Variants in CFI observed in about 807,000 individuals in gnomAD.
CFI encodes C3B/C4B inactivator.
CFI carries 66 observed loss-of-function variants against 78.8 expected under a neutral mutation model. The observed-to-expected ratio is 0.84, with a 90% CI of 0.69 to 1.03. The LOEUF is 1.03. Among genes scored for constraint, CFI ranks in the 50% least tolerant of loss-of-function variants. The probability of loss-of-function intolerance (pLI) is 0.00; values close to 1 mark genes in which losing one functional copy is unlikely to be tolerated. For missense variants in CFI, 706 were observed against 704.5 expected, an observed-to-expected ratio of 1.00 and a Z score of -0.02; for synonymous variants, 250 against 232.6, an observed-to-expected ratio of 1.07 and a Z score of -0.68.
At position 109,740,705 on chromosome 4, in the gene CFI, C is replaced by T. The variant is rs1175748694; in HGVS notation, c.*188G>A. 1 of 672,906 alleles carries T rather than the reference C, an allele frequency of 1.5e-6. No homozygotes were observed. Among genetic ancestry groups the T allele is most frequent in the Non-Finnish European group, 2.6e-6 (1 of 382,468 alleles). The allele number at this position is 672,906 out of a possible 1,614,324, so 41.7% of individuals were successfully genotyped here. On this transcript the variant is annotated 3_prime_UTR_variant, in exon 13 of 13. Coordinates refer to ENST00000394634, the MANE Select transcript of CFI (RefSeq NM_000204.5). ...GATAAATAAAACTTGTATGCTTCAC[C>T]AAAATATTTATTTGAGAATTATACA...
chr4:109,735,707 G>A (rs552821988), downstream of CFI, among the ~76,000 whole-genome samples: 26 of 152,340 alleles, frequency 1.7e-4, no homozygotes, highest in African/African-American at 3.6e-4. Context: ...TGCCAATGTC[G>A]CGGGAATCAG....
intron 8 of CFI, 83 bp from the exon 9 acceptor site, chr4:109,749,685 A>G (rs544305403): frequency 2.3e-5 from 20 of 856,776 alleles, no homozygotes; most frequent in South Asian, 2.0e-4. Flanking sequence ...CTATGCCACA[A>G]AAACAGGAGA....
chr4:109,732,035 T>A, the CFI span, among the ~76,000 whole-genome samples: 3 of 152,008 alleles, frequency 2.0e-5, no homozygotes, highest in Admixed American at 2.0e-4. Context: ...TTCTTACAAC[T>A]CCCTAGTCCA....
At chr4:109,758,328 A>C (rs1726580385) in intron 6 of CFI, among the ~76,000 whole-genome samples, 1 of 152,032 alleles carries the variant, frequency 6.6e-6, no homozygotes, top group South Asian at 2.1e-4. Context: ...GGACTGGCAC[A>C]CACAGTAGCA....
At chr4:109,752,041 C>A (rs75884661) in intron 8 of CFI, among the ~76,000 whole-genome samples, 13,377 of 152,152 alleles carry the variant, frequency 0.088, 1,254 homozygotes, top group African/African-American at 0.23. Flanking sequence ...AGGTACAGAT[C>A]TTCAAAGGTC....
intron 1 of CFI, among the ~76,000 whole-genome samples, chr4:109,796,422 C>T (rs28787106): frequency 0.18 from 28,114 of 152,150 alleles, 4,996 homozygotes; most frequent in African/African-American, 0.45. Flanking sequence ...AACAGCAACA[C>T]TAAAGCTGCA....
chr4:109,765,480 T>C (rs1401310163), intron 2 of CFI, among the ~76,000 whole-genome samples: 1 of 152,178 alleles, frequency 6.6e-6, no homozygotes, highest in Non-Finnish European at 1.5e-5. Context: ...TTCACAAGAA[T>C]TGTACAACTT....
Position 109,760,622 on chromosome 4 carries a change from C to A in CFI, c.673G>T (p.Asp225Tyr). Residue 225 changes from aspartate (D) to tyrosine (Y), a missense_variant, in exon 5 of 13, where the codon GAC (aspartate) becomes TAC (tyrosine). Physicochemically the swap from Asp to Tyr is radical, Grantham distance 160 (BLOSUM62 -3). Coordinates refer to ENST00000394634, the MANE Select transcript of CFI (RefSeq NM_000204.5). Reference protein sequence around the residue: ...YTQKADSPMDDFFQCVNGKYI... With the variant: ...YTQKADSPMDYFFQCVNGKYI... ...TTCCCATTCACACACTGAAAGAAGT[C>A]ATCCATTGGAGAATCTGTAAAGCAG... 6.3e-7 allele frequency: 1 copy of A among 1,585,074 alleles called. No individual in the cohort carries two copies. The highest frequency in any genetic ancestry group is 1.1e-5 in the South Asian group (1 of 90,496).
intron 1 of CFI, among the ~76,000 whole-genome samples, chr4:109,772,626 T>C (rs564520194): frequency 2.0e-5 from 3 of 151,908 alleles, no homozygotes; most frequent in Non-Finnish European, 4.4e-5. Flanking sequence ...TTGCCTAAGC[T>C]GGAGTGCAGT....
downstream of CFI, among the ~76,000 whole-genome samples, chr4:109,739,945 G>A (rs1723611442): frequency 6.6e-6 from 1 of 152,136 alleles, no homozygotes; most frequent in African/African-American, 2.4e-5. Context: ...AGAGGGTCAA[G>A]GAATGCTTGT....
At chr4:109,747,859 A>G (rs938904693) in intron 10 of CFI, among the ~76,000 whole-genome samples, 1 of 152,096 alleles carries the variant, frequency 6.6e-6, no homozygotes, top group African/African-American at 2.4e-5. Context: ...AGATTCTCAT[A>G]AGGATTGCAC....
chr4:109,766,453 G>T, intron 2 of CFI, 101 bp downstream of exon 2: 2 of 1,420,066 alleles, frequency 1.4e-6, no homozygotes, highest in Non-Finnish European at 2.0e-6. Flanking sequence ...ATTTTGAGTT[G>T]TCATCATAAC....
intron 2 of CFI, among the ~76,000 whole-genome samples, 170 bp downstream of exon 2, chr4:109,766,384 C>T (rs369345485): frequency 6.6e-6 from 1 of 152,300 alleles, no homozygotes; most frequent in East Asian, 1.9e-4. Flanking sequence ...TGGCTGGATT[C>T]TGGCAACCCC....
In CFI at chr4:109,801,978, GGT is replaced by G. The variant is rs746249506; in HGVS notation, c.-9_-8del. On this transcript the variant is annotated 5_prime_UTR_variant, in exon 1 of 13. Transcript: ENST00000394634. ...AAACATGAAGAAGCTTCATGTTGGA[GGT>G]GTTCGGGGTCTTTGTCTCTGCTGAG... The G allele has an allele frequency of 1.2e-6, 2 of 1,610,200 alleles. No individual in the cohort carries two copies.
intron 4 of CFI, 22 bp from the exon 5 acceptor site, chr4:109,760,658 T>C: frequency 7.2e-7 from 1 of 1,383,580 alleles, no homozygotes; most frequent in African/African-American, 1.4e-5. Context: ...GAATTATCTT[T>C]GTGAAATTTA....
intron 3 of CFI, 71 bp downstream of exon 3, chr4:109,764,466 G>A: frequency 6.6e-7 from 1 of 1,509,798 alleles, no homozygotes; most frequent in Non-Finnish European, 9.2e-7. Flanking sequence ...TACACAGAAA[G>A]GTTAGGTAAT....
intron 1 of CFI, among the ~76,000 whole-genome samples, chr4:109,770,772 T>C (rs1270967674): frequency 6.6e-6 from 1 of 151,684 alleles, no homozygotes; most frequent in Non-Finnish European, 1.5e-5. Flanking sequence ...GATATCAAAA[T>C]GTTGGAAGCT....
chr4:109,745,496 G>C (rs1036189714), intron 11 of CFI, among the ~76,000 whole-genome samples: 1 of 152,170 alleles, frequency 6.6e-6, no homozygotes, highest in African/African-American at 2.4e-5. Flanking sequence ...TGAAGGGAAA[G>C]GTGTTGACTA....
intron 1 of CFI, among the ~76,000 whole-genome samples, chr4:109,774,490 C>T (rs1395914050): frequency 6.6e-6 from 1 of 152,108 alleles, no homozygotes; most frequent in East Asian, 1.9e-4. Flanking sequence ...GTATGTGGTA[C>T]ATTCTTGGTC....
Sources: gnomAD v4.1 joint callset for allele counts (sites outside exome capture counted in the v4.1 genomes callset) on GRCh38, gnomAD v4.1.1 for gene constraint, MANE v1.5 for transcripts, NCBI Gene and HGNC (gene_info 2026-07-23, HGNC 2026-07-21) for gene names.